Variants in LSAMP observed in about 807,000 individuals in gnomAD.
The protein encoded by LSAMP is limbic system-associated membrane protein.
In LSAMP, 7 loss-of-function variants were observed where a neutral mutation model predicts 38.6. The ratio of observed to expected loss-of-function variants is 0.18; its 90% CI spans 0.10 to 0.34. LSAMP has a LOEUF of 0.34. Among genes scored for constraint, LSAMP ranks in the 10% least tolerant of loss-of-function variants. The pLI, the probability that LSAMP is intolerant of heterozygous loss-of-function variation, is 1.00. For missense variants in LSAMP, 313 were observed against 420.0 expected (o/e 0.75, Z 2.23); for synonymous variants, 154 against 166.8 (o/e 0.92, Z 0.59).
intron 2 of LSAMP, among the ~76,000 whole-genome samples, chr3:116,048,001 G>A (rs1205698167): frequency 6.6e-6 from 1 of 152,172 alleles, no homozygotes; most frequent in Non-Finnish European, 1.5e-5. Flanking sequence ...TGGCATCCAT[G>A]CACCTTTACC....
At chr3:116,197,445 T>C (rs1576425769) in intron 1 of LSAMP, among the ~76,000 whole-genome samples, 1 of 152,186 alleles carries the variant, frequency 6.6e-6, no homozygotes, top group Non-Finnish European at 1.5e-5. Context: ...GTTTGAAGTA[T>C]ACAAACTCAC....
rs1020842781 is a variant in LSAMP, at chr3:116,417,148, G to A, written c.155+27729C>T. ...AATACTTAAAGTTCAGGAGCAAATGGTGTGTATGTGTATCAACCAAAAATT... is the reference window on the plus strand; with the variant it reads ...AATACTTAAAGTTCAGGAGCAAATGATGTGTATGTGTATCAACCAAAAATT... On this transcript the variant is annotated intron_variant, in intron 1 of 6. Transcript: ENST00000490035. Among the ~76,000 whole-genome samples the A allele has an allele frequency of 3.3e-5, 5 of 152,162 alleles. No homozygotes were observed. In the South Asian group the frequency reaches 6.2e-4, roughly 19 times the overall value.
rs142568946 is a variant in LSAMP at position 116,127,740 on chromosome 3, C to T, written c.156-41184G>A. 7.6e-3 allele frequency among the ~76,000 whole-genome samples: 955 copies of T among 125,090 alleles called. 9 individuals carry two copies. Among genetic ancestry groups the T allele is most frequent in the African/African-American group, 0.027 (890 of 32,578 alleles). 82.1% of individuals were successfully genotyped at this position (125,090 alleles called of 152,430 possible). ...TTTTTTTGGTAGACCTGTTGGATCA[C>T]GAGGCAAATAGTACAAAAAATGCTT... On this transcript the variant is annotated intron_variant, in intron 1 of 6. Transcript: ENST00000490035.
chr3:115,952,675 T>C (rs1468812214), intron 3 of LSAMP, among the ~76,000 whole-genome samples: 1 of 152,076 alleles, frequency 6.6e-6, no homozygotes, highest in Non-Finnish European at 1.5e-5. Flanking sequence ...GAAGAACTTA[T>C]CCATGTAACC....
At chr3:116,004,889 A>C (rs1024619603) in intron 3 of LSAMP, among the ~76,000 whole-genome samples, 4 of 152,114 alleles carry the variant, frequency 2.6e-5, no homozygotes, top group Non-Finnish European at 5.9e-5. Flanking sequence ...AATTCATAGA[A>C]TCACACATGG....
chr3:116,324,838 A>T (rs2047748612), intron 1 of LSAMP, among the ~76,000 whole-genome samples: 2 of 151,640 alleles, frequency 1.3e-5, no homozygotes, highest in Non-Finnish European at 2.9e-5. Context: ...CCTCATAACT[A>T]CCTCTTTCTT....
intron 1 of LSAMP, among the ~76,000 whole-genome samples, chr3:116,194,131 A>G (rs1382812228): frequency 6.6e-6 from 1 of 152,176 alleles, no homozygotes; most frequent in East Asian, 1.9e-4. Flanking sequence ...GGCAAAGGTG[A>G]GAGAGGTAAG....
At chr3:115,908,649 G>A (rs1470888567) in intron 3 of LSAMP, among the ~76,000 whole-genome samples, 1 of 152,152 alleles carries the variant, frequency 6.6e-6, no homozygotes, top group Non-Finnish European at 1.5e-5. Context: ...CACAAAGGAA[G>A]AACATAGGAG....
At chr3:116,437,356 G>T (rs1185216869) in intron 1 of LSAMP, among the ~76,000 whole-genome samples, 1 of 151,680 alleles carries the variant, frequency 6.6e-6, no homozygotes, top group Non-Finnish European at 1.5e-5. Flanking sequence ...CACTAAAGAA[G>T]TTACTCATGT....
At chr3:116,084,944 C>A (rs186497228) in intron 2 of LSAMP, among the ~76,000 whole-genome samples, 20 of 148,902 alleles carry the variant, frequency 1.3e-4, no homozygotes, top group African/African-American at 4.8e-4. Flanking sequence ...AGAATTTTTT[C>A]TTATGTTTTG....
intron 1 of LSAMP, among the ~76,000 whole-genome samples, chr3:116,349,056 TATTCCACTGA>T (rs913359366): frequency 6.6e-6 from 1 of 152,146 alleles, no homozygotes; most frequent in Non-Finnish European, 1.5e-5. Flanking sequence ...CCCTCAGTTG[TATTCCACTGA>T]ATGTGGATAA....
chr3:116,054,629 A>AC (rs1941456025), intron 2 of LSAMP, among the ~76,000 whole-genome samples: 1 of 152,248 alleles, frequency 6.6e-6, no homozygotes, highest in Non-Finnish European at 1.5e-5. Flanking sequence ...ATTACTTATA[A>AC]TCAACACTGA....
At chr3:116,350,954 C>T (rs2048131435) in intron 1 of LSAMP, among the ~76,000 whole-genome samples, 1 of 151,944 alleles carries the variant, frequency 6.6e-6, no homozygotes, top group Admixed American at 6.6e-5. Context: ...TGGTATCATC[C>T]ATGGTTTCAG....
At chr3:116,279,345 C>A (rs925542546) in intron 1 of LSAMP, among the ~76,000 whole-genome samples, 1 of 152,204 alleles carries the variant, frequency 6.6e-6, no homozygotes, top group East Asian at 1.9e-4. Flanking sequence ...GGCCTGATTT[C>A]CAACTAGGCT....
At chr3:116,127,695 A>ATTTTTTTTTTTTT (rs67470158) in intron 1 of LSAMP, among the ~76,000 whole-genome samples, 7 of 96,656 alleles carry the variant, frequency 7.2e-5, no homozygotes, top group Admixed American at 2.4e-4. Flanking sequence ...GTGTTTGTTC[A>ATTTTTTTTTTTTT]TTTTTTTTTT....
chr3:116,033,530 C>G (rs781673295), intron 2 of LSAMP, among the ~76,000 whole-genome samples: 4 of 152,122 alleles, frequency 2.6e-5, no homozygotes, highest in African/African-American at 9.7e-5. Flanking sequence ...TCGTGGCTCC[C>G]GGTCTCACAC....
intron 2 of LSAMP, among the ~76,000 whole-genome samples, chr3:116,025,472 C>G (rs1452118002): frequency 6.6e-6 from 1 of 152,008 alleles, no homozygotes; most frequent in Non-Finnish European, 1.5e-5. Context: ...ATTGATCGCT[C>G]TTTTGTTATT....
At chr3:115,830,748 A>C (rs1167344042) in intron 6 of LSAMP, among the ~76,000 whole-genome samples, 2 of 152,210 alleles carry the variant, frequency 1.3e-5, no homozygotes, top group East Asian at 3.8e-4. Flanking sequence ...GAAATTATTC[A>C]GTGATCTTCA....
At chr3:116,438,887 T>C (rs143258625) in intron 1 of LSAMP, among the ~76,000 whole-genome samples, 79 of 152,318 alleles carry the variant, frequency 5.2e-4, no homozygotes, top group Non-Finnish European at 9.3e-4. Context: ...TGGTGGTCTA[T>C]TTCCTCTCTC....
Sources: gnomAD v4.1 joint callset for allele counts (sites outside exome capture counted in the v4.1 genomes callset) on GRCh38, gnomAD v4.1.1 for gene constraint, MANE v1.5 for transcripts, NCBI Gene and HGNC (gene_info 2026-07-23, HGNC 2026-07-21) for gene names.